Variants in TRMT44 observed in about 807,000 individuals in gnomAD.
TRMT44 encodes the protein tRNA methyltransferase 44 homolog.
In TRMT44, 78 loss-of-function variants were observed where a neutral mutation model predicts 77.3. That is an observed-to-expected ratio of 1.01 (90% CI 0.84 to 1.22). TRMT44 has a LOEUF of 1.22. Among genes scored for constraint, TRMT44 ranks in the 50% most tolerant of loss-of-function variants. The pLI is 0.00. For synonymous variants in TRMT44, 391 were observed against 383.3 expected, an observed-to-expected ratio of 1.02 and a Z score of -0.23; for missense variants, 1,090 against 964.4, an observed-to-expected ratio of 1.13 and a Z score of -1.73.
chr4:8,506,363 C>T, the TRMT44 span, among the ~76,000 whole-genome samples: 4 of 152,230 alleles, frequency 2.6e-5, no homozygotes, highest in Admixed American at 2.0e-4. Flanking sequence ...ACCCAGAAAA[C>T]GGCATGGACT....
chr4:8,453,180 G>A (rs1725567175), intron 5 of TRMT44, among the ~76,000 whole-genome samples, 191 bp downstream of exon 5: 1 of 152,196 alleles, frequency 6.6e-6, no homozygotes, highest in African/African-American at 2.4e-5. Flanking sequence ...GGGAAACGTG[G>A]TGATCTCATT....
chr4:8,493,816 G>A (rs887943319), downstream of TRMT44, among the ~76,000 whole-genome samples: 1 of 151,840 alleles, frequency 6.6e-6, no homozygotes, highest in African/African-American at 2.4e-5. Flanking sequence ...CCACAGCTCT[G>A]GTGGAATGGG....
At chr4:8,514,649 C>T in the TRMT44 span, among the ~76,000 whole-genome samples, 1 of 152,078 alleles carries the variant, frequency 6.6e-6, no homozygotes, top group Non-Finnish European at 1.5e-5. Flanking sequence ...TGCCCTCATC[C>T]TTTGAGGCAG....
At chr4:8,466,694 G>T (rs1223308562) in intron 8 of TRMT44, among the ~76,000 whole-genome samples, 5 of 152,258 alleles carry the variant, frequency 3.3e-5, no homozygotes, top group African/African-American at 1.2e-4. Flanking sequence ...GGAGCCCGTG[G>T]CTTTGATTTT....
intron 2 of TRMT44, among the ~76,000 whole-genome samples, chr4:8,484,567 C>T (rs572819161): frequency 6.1e-4 from 93 of 152,226 alleles, no homozygotes; most frequent in African/African-American, 2.1e-3. Flanking sequence ...GATGCGATCC[C>T]GGTCCTTGTG....
At chr4:8,468,561 G>C in intron 9 of TRMT44, 1 of 604,778 alleles carries the variant, frequency 1.7e-6, no homozygotes, top group Non-Finnish European at 2.9e-6. Context: ...TTTCCAGGGA[G>C]TGACAGAGTT....
intron 8 of TRMT44, among the ~76,000 whole-genome samples, chr4:8,467,027 C>A (rs1579072390): frequency 6.6e-6 from 1 of 152,200 alleles, no homozygotes; most frequent in East Asian, 1.9e-4. Context: ...AATGAGGTGC[C>A]CTTGCTGGGG....
At position 8,473,929 on chromosome 4, in the gene TRMT44, C is replaced by G. The variant is rs370587200; in HGVS notation, c.2045-1843C>G. Among the ~76,000 whole-genome samples the G allele has an allele frequency of 2.6e-4, 39 of 152,268 alleles. 1 individual carries two copies. In the South Asian group the frequency reaches 7.0e-3, roughly 28 times the overall value. ...GGGCCAGCCTGGAGCCTGCCTGCGC[C>G]GTTCGGGAGCCTCATCTCTATCATC... On this transcript the variant is annotated intron_variant, in intron 10 of 10. Transcript: ENST00000389737.
At chr4:8,449,944 C>CTTTTTTT in intron 3 of TRMT44, 56 bp downstream of exon 3, 1 of 376,692 alleles carries the variant, frequency 2.7e-6, no homozygotes, top group Non-Finnish European at 3.8e-6. Context: ...CTTTTCTTTT[C>CTTTTTTT]TTTTCTTTTT....
intron 2 of TRMT44, among the ~76,000 whole-genome samples, chr4:8,447,205 G>A (rs1255399537): frequency 6.6e-6 from 1 of 152,168 alleles, no homozygotes; most frequent in Non-Finnish European, 1.5e-5. Flanking sequence ...ACTTAGTAAT[G>A]GGGAATAGGT....
intron 8 of TRMT44, among the ~76,000 whole-genome samples, chr4:8,466,313 G>A (rs1376480317): frequency 6.6e-6 from 1 of 152,044 alleles, no homozygotes; most frequent in East Asian, 1.9e-4. Context: ...GCTGCCCGTG[G>A]TGCACTCGGG....
intron 2 of TRMT44, among the ~76,000 whole-genome samples, chr4:8,488,159 G>A (rs1727875459): frequency 6.6e-6 from 1 of 152,164 alleles, no homozygotes; most frequent in African/African-American, 2.4e-5. Context: ...TTGGTCTGAG[G>A]ACCTGAGGTC....
At chr4:8,478,525 G>GA (rs1476944320), downstream of TRMT44, 1 of 152,510 alleles carries the variant, frequency 6.6e-6, no homozygotes, top group Non-Finnish European at 1.5e-5. Context: ...CAGGTCATGT[G>GA]ACTGGGTGTC....
chr4:8,473,967 T>G (rs1334578979), intron 10 of TRMT44, among the ~76,000 whole-genome samples: 2 of 152,188 alleles, frequency 1.3e-5, no homozygotes, highest in African/African-American at 2.4e-5. Context: ...CGCCCGCTCC[T>G]CAGTCCTTAG....
Position 8,440,780 on chromosome 4 carries a change from A to G in TRMT44, c.-43A>G, listed in dbSNP as rs966082695. On this transcript the variant is annotated 5_prime_UTR_variant, in exon 1 of 11. Coordinates refer to ENST00000389737, the MANE Select transcript of TRMT44 (RefSeq NM_152544.3). ...ACGCGCCGCGCCACCGGGCTGCGTC[A>G]TCTCGGCGCGCCGCTGCCAGGGCTG... The G allele has an allele frequency of 2.9e-6, 4 of 1,380,180 alleles. No homozygotes were observed. The African/African-American group carries it at 6.1e-5, about 21-fold the overall frequency. The allele number at this position is 1,380,180 out of a possible 1,614,324, so 85.5% of individuals were successfully genotyped here. A position where few individuals can be genotyped will look rare whatever the true frequency, so the allele number is the denominator to read the frequency against.
At chr4:8,493,098 C>T (rs1728058041) in intron 2 of TRMT44, among the ~76,000 whole-genome samples, 1 of 152,200 alleles carries the variant, frequency 6.6e-6, no homozygotes, top group Non-Finnish European at 1.5e-5. Flanking sequence ...TTTTCCAAAA[C>T]AAAGTCCCTG....
Position 8,471,181 on chromosome 4 carries a change from C to T in TRMT44, c.2025C>T (p.Asn675=), listed in dbSNP as rs1489390604. 3 of 1,603,978 alleles carry T rather than the reference C, an allele frequency of 1.9e-6. No homozygotes were observed. The highest frequency in any genetic ancestry group is 1.1e-5 in the South Asian group (1 of 89,722). The change falls in exon 10 of 11, where the codon AAC becomes AAT. Residue 675 remains asparagine (N), a synonymous_variant. Coordinates refer to ENST00000389737, the MANE Select transcript of TRMT44 (RefSeq NM_152544.3). ...ECGGLQTLLR[N]SHQVFQVVNG... is the part of the protein sequence containing the mutation. ...GGGGCCTGCAGACGCTGCTCCGGAA[C>T]AGCCACCAGGTGTTCCAAGGTACGG...
At chr4:8,442,976 G>A (rs970170145) in intron 1 of TRMT44, among the ~76,000 whole-genome samples, 1 of 152,142 alleles carries the variant, frequency 6.6e-6, no homozygotes, top group African/African-American at 2.4e-5. Context: ...TGCCCCTTTT[G>A]CCATATAATA....
In TRMT44 at chr4:8,451,963, T is replaced by C. The variant is rs888334446; in HGVS notation, c.958T>C (p.Trp320Arg). The change falls in exon 4 of 11, where the codon TGG (tryptophan) becomes CGG (arginine). Residue 320 changes from tryptophan to arginine, a missense_variant. By Grantham distance (101) the Trp-to-Arg change is moderately radical. Coordinates refer to ENST00000389737, the MANE Select transcript of TRMT44 (RefSeq NM_152544.3). This position sits in a 1 kb window ranked among gnomAD's most constrained non-coding sequence, Gnocchi z 4.1. ...KEKYKEMVKV[W>R]PEVTDPEKFV... The stretch of plus-strand genomic sequence containing the variant: ...TTTGCTCTTGAAACTGTTTTAGGTG[T>C]GGCCTGAAGTCACTGATCCTGAGAA... 6.5e-6 allele frequency: 10 copies of C among 1,536,630 alleles called. No homozygotes were observed. The African/African-American group carries it at 9.6e-5, about 15-fold the overall frequency.
Sources: gnomAD v4.1 joint callset for allele counts (sites outside exome capture counted in the v4.1 genomes callset) on GRCh38, gnomAD v4.1.1 for gene constraint, Gnocchi (gnomAD v3.1) non-coding constraint, MANE v1.5 for transcripts, NCBI Gene and HGNC (gene_info 2026-07-23, HGNC 2026-07-21) for gene names.